The following TLE5 variants were observed in gnomAD, a reference collection of about 807,000 sequenced individuals.
TLE5 encodes the protein TLE family member 5, transcriptional modulator.
A neutral mutation model predicts 25.8 loss-of-function variants in TLE5; 7 were observed. That is an observed-to-expected ratio of 0.27 (90% CI 0.15 to 0.51). The LOEUF (loss-of-function observed/expected upper bound fraction) is 0.51. TLE5 is among the 20% of genes least tolerant of loss of function. The probability of loss-of-function intolerance (pLI) is 0.97; values close to 1 mark genes in which losing one functional copy is unlikely to be tolerated. For missense variants in TLE5, 149 were observed against 250.7 expected, an observed-to-expected ratio of 0.59 and a Z score of 2.74; for synonymous variants, 132 against 110.5, an observed-to-expected ratio of 1.20 and a Z score of -1.22.
At chr19:3,062,648 TG>T (rs1295934971), upstream of TLE5, 10 of 1,279,558 alleles carry the variant, frequency 7.8e-6, no homozygotes, top group Non-Finnish European at 9.9e-6. Flanking sequence ...GCGGTGACCT[TG>T]GGCCCGGCCC....
At chr19:3,062,871 C>A, upstream of TLE5, 1 of 1,467,290 alleles carries the variant, frequency 6.8e-7, no homozygotes, top group Non-Finnish European at 9.3e-7. Context: ...GTTTCCTTTT[C>A]TGCAGAAAGG....
At chr19:3,059,970 G>A (rs552496580) in intron 2 of TLE5, among the ~76,000 whole-genome samples, 4 of 152,276 alleles carry the variant, frequency 2.6e-5, no homozygotes, top group East Asian at 3.9e-4. Context: ...AGGCACGAAC[G>A]GTCTTGAGCA....
At chr19:3,054,086 T>TCGGGGCGCCCCC in intron 6 of TLE5, 34 bp downstream of exon 6, 1 of 1,512,818 alleles carries the variant, frequency 6.6e-7, no homozygotes, top group Non-Finnish European at 8.9e-7. Flanking sequence ...GGCCCACCTG[T>TCGGGGCGCCCCC]CCCCCGCCCA....
chr19:3,057,404 T>TC, intron 3 of TLE5: 1 of 470,156 alleles, frequency 2.1e-6, no homozygotes, highest in Non-Finnish European at 3.9e-6. Context: ...AGCCTCCCTC[T>TC]CCTCCCTCCT....
chr19:3,059,498 G>T (rs1359477684), intron 2 of TLE5, among the ~76,000 whole-genome samples: 5 of 152,190 alleles, frequency 3.3e-5, no homozygotes, highest in Admixed American at 1.3e-4. Context: ...CTCCAGCCTG[G>T]CGACAGAGCA....
chr19:3,054,086 T>TGGGGGGGGGGGGC, intron 6 of TLE5, 34 bp downstream of exon 6: 6 of 1,512,728 alleles, frequency 4.0e-6, no homozygotes, highest in Non-Finnish European at 5.3e-6. Flanking sequence ...GGCCCACCTG[T>TGGGGGGGGGGGGC]CCCCCGCCCA....
chr19:3,053,855 G>A lies in TLE5; in HGVS notation c.558C>T (p.Asp186=). 1 of 1,613,332 alleles carries A rather than the reference G, an allele frequency of 6.2e-7. No homozygotes were observed. Residue 186 remains aspartate (D), a synonymous_variant, in exon 7 of 7, where the codon GAC becomes GAT. Coordinates refer to ENST00000327141, the MANE Select transcript of TLE5 (RefSeq NM_001130.6). ...TCTCGCCATCATCCTCCTGGTGGGT[G>A]TCACCATCGTGCCCGTTCTTGTCTT... is the stretch of plus-strand genomic sequence containing the variant. ...SKEDKNGHDG[D]THQEDDGEKS...
chr19:3,062,055 GGGCGCCGGGCCGGA>G (rs934698999), intron 1 of TLE5, 105 bp downstream of exon 1: 1 of 271,402 alleles, frequency 3.7e-6, no homozygotes, highest in African/African-American at 2.5e-5. Flanking sequence ...GAGTTGGGGG[GGGCGCCGGGCCGGA>G]GGCACCGGGC....
At chr19:3,058,247 C>T (rs190611706) in intron 2 of TLE5, among the ~76,000 whole-genome samples, 3 of 152,224 alleles carry the variant, frequency 2.0e-5, no homozygotes, top group Admixed American at 1.3e-4. Context: ...GGCACGGTAA[C>T]GCTAGCTCTG....
At chr19:3,061,667 G>A (rs1477608305) in intron 1 of TLE5, among the ~76,000 whole-genome samples, 2 of 151,532 alleles carry the variant, frequency 1.3e-5, no homozygotes, top group East Asian at 2.0e-4. Context: ...TTGGGGGAGG[G>A]GTCTCTCTCT....
chr19:3,056,187 G>A lies in TLE5; in HGVS notation c.234+125C>T, dbSNP rs1445008430. 8.8e-5 allele frequency: 54 copies of A among 615,488 alleles called. No homozygotes were observed. In the South Asian group the frequency reaches 1.0e-3, roughly 11 times the overall value. 38.1% of individuals were successfully genotyped at this position (615,488 alleles called of 1,614,324 possible). ...GGGCTTAGGAGGTAACAGGATAACC[G>A]GGCTGGCTTGGTGCCCAGCCGAGGG... On this transcript the variant is annotated intron_variant, in intron 4 of 6. Transcript: ENST00000327141.
chr19:3,054,111 C>G lies in TLE5; in HGVS notation c.372+9G>C, dbSNP rs554499047. 84 of 1,593,310 alleles carry G rather than the reference C, an allele frequency of 5.3e-5. No homozygotes were observed. Among genetic ancestry groups the G allele is most frequent in the Non-Finnish European group, 6.6e-5 (77 of 1,172,650 alleles). On this transcript the variant is annotated intron_variant, in intron 6 of 6. Coordinates refer to ENST00000327141, the MANE Select transcript of TLE5 (RefSeq NM_001130.6). Reference sequence around the variant, plus strand: ...TCCCCCGCCCACCCGCCCAGGTCCCCATACATACTCGGATGATAGAGTTCA... The same window carrying G: ...TCCCCCGCCCACCCGCCCAGGTCCCGATACATACTCGGATGATAGAGTTCA...
In TLE5 at chr19:3,053,438, G is replaced by A. The variant is rs1801366922; in HGVS notation, c.*381C>T. 1 of 266,204 alleles carries A rather than the reference G, an allele frequency of 3.8e-6. No homozygotes were observed. Among genetic ancestry groups the A allele is most frequent in the African/African-American group, 2.2e-5 (1 of 45,144 alleles). The allele number at this position is 266,204 out of a possible 1,614,324, so 16.5% of individuals were successfully genotyped here. ...TTGCGTGCATGCAGTACCAGGGTGAGAGGGCTGTGGCCCAGGCAGACTGTC... is the reference window on the plus strand; with the variant it reads ...TTGCGTGCATGCAGTACCAGGGTGAAAGGGCTGTGGCCCAGGCAGACTGTC... On this transcript the variant is annotated 3_prime_UTR_variant, in exon 7 of 7. Coordinates refer to ENST00000327141, the MANE Select transcript of TLE5 (RefSeq NM_001130.6).
At position 3,056,302 on chromosome 19, in the gene TLE5, A is replaced by C; in HGVS notation, c.234+10T>G. 1 of 1,427,140 alleles carries C rather than the reference A, an allele frequency of 7.0e-7. No homozygotes were observed. The highest frequency in any genetic ancestry group is 9.3e-7 in the Non-Finnish European group (1 of 1,076,462). The allele number at this position is 1,427,140 out of a possible 1,614,324, so 88.4% of individuals were successfully genotyped here. A position where few individuals can be genotyped will look rare whatever the true frequency, so the allele number is the denominator to read the frequency against. On this transcript the variant is annotated intron_variant, in intron 4 of 6. Transcript: ENST00000327141. The stretch of plus-strand genomic sequence containing the variant: ...GGAGGAGGAGGAGGAGGAGGAGGAG[A>C]TGGGCGTACCTGTTTGTGCATCTCG...
intron 4 of TLE5, chr19:3,056,062 G>A (rs2090214530): frequency 1.9e-6 from 1 of 532,812 alleles, no homozygotes. Flanking sequence ...GCCGTAGGCT[G>A]TGGGGAAGGT....
chr19:3,061,120 A>C, intron 2 of TLE5, 40 bp downstream of exon 2: 1 of 1,489,120 alleles, frequency 6.7e-7, no homozygotes, highest in Non-Finnish European at 9.4e-7. Flanking sequence ...GGGGGGACTC[A>C]CATTCTCGGG....
intron 5 of TLE5, 122 bp downstream of exon 5, chr19:3,055,542 T>G: frequency 1.3e-6 from 1 of 789,754 alleles, no homozygotes; most frequent in Non-Finnish European, 1.9e-6. Context: ...GCCAGGGAGG[T>G]CCAGAGAGGG....
In TLE5 at chr19:3,057,805, C is replaced by T. The variant is rs574681305; in HGVS notation, c.126-63G>A. ...CGGCTGGGCGGGAGCCCCCCACCCT[C>T]CGTTATCCAGGGGAGGAAACTGAGG... On this transcript the variant is annotated intron_variant, in intron 2 of 6. Coordinates refer to ENST00000327141, the MANE Select transcript of TLE5 (RefSeq NM_001130.6). 7 of 1,508,716 alleles carry T rather than the reference C, an allele frequency of 4.6e-6. No homozygotes were observed. In the African/African-American group the frequency reaches 9.6e-5, roughly 21 times the overall value. 93.5% of individuals were successfully genotyped at this position (1,508,716 alleles called of 1,614,324 possible).
chr19:3,060,954 T>C (rs1387473943), intron 2 of TLE5: 2 of 400,966 alleles, frequency 5.0e-6, no homozygotes, highest in Non-Finnish European at 9.4e-6. Context: ...TTTGGGCAAA[T>C]TATTTAACTA....
Sources: allele counts gnomAD v4.1 joint callset (sites outside exome capture counted in the v4.1 genomes callset), GRCh38; gene constraint gnomAD v4.1.1; transcripts MANE v1.5; gene names NCBI Gene and HGNC (gene_info 2026-07-23, HGNC 2026-07-21).